Variants in DAB1 observed in about 807,000 individuals in gnomAD.
DAB1 encodes disabled homolog 1.
Under a neutral mutation model 64.6 loss-of-function variants are expected in DAB1, and 15 were observed. The observed-to-expected ratio is 0.23, with a 90% CI of 0.16 to 0.36. The LOEUF is 0.36. Among genes scored for constraint, DAB1 ranks in the 10% least tolerant of loss-of-function variants. The pLI is 1.00. For missense variants in DAB1, 596 were observed against 706.7 expected (o/e 0.84, Z 1.78); for synonymous variants, 235 against 251.9 (o/e 0.93, Z 0.64).
At chr1:58,216,117 G>T (rs561228672) in intron 4 of DAB1, among the ~76,000 whole-genome samples, 1 of 152,110 alleles carries the variant, frequency 6.6e-6, no homozygotes, top group Admixed American at 6.5e-5. Context: ...TGCCATGGTG[G>T]TTTGCTGCAC....
intron 3 of DAB1, among the ~76,000 whole-genome samples, chr1:58,461,345 ACTGT>A (rs1375138802): frequency 2.0e-5 from 3 of 152,174 alleles, no homozygotes; most frequent in Non-Finnish European, 4.4e-5. Flanking sequence ...AGTGAAGACT[ACTGT>A]CTTAGAGTCT....
At chr1:57,352,301 T>C (rs961775260) in intron 1 of DAB1, among the ~76,000 whole-genome samples, 1 of 152,308 alleles carries the variant, frequency 6.6e-6, no homozygotes, top group South Asian at 2.1e-4. Flanking sequence ...TTTCTGATAA[T>C]GATTAAATTG....
intron 1 of DAB1, chr1:57,306,837 T>C (rs376621642): frequency 7.9e-5 from 12 of 152,194 alleles, no homozygotes; most frequent in African/African-American, 2.4e-4. Flanking sequence ...GTATATTTGA[T>C]ATTATGTGAG....
chr1:58,060,850 C>T (rs1441068500), intron 5 of DAB1, among the ~76,000 whole-genome samples: 1 of 152,244 alleles, frequency 6.6e-6, no homozygotes, highest in Non-Finnish European at 1.5e-5. Context: ...GCCATGACAT[C>T]ACATTACAAC....
intron 4 of DAB1, among the ~76,000 whole-genome samples, chr1:58,224,797 C>T (rs868759544): frequency 5.3e-5 from 8 of 149,558 alleles, no homozygotes; most frequent in South Asian, 2.2e-4. Context: ...TTACACCTTA[C>T]ACAAAAATTA....
chr1:57,578,521 C>T (rs193126368), intron 7 of DAB1, among the ~76,000 whole-genome samples: 1 of 152,338 alleles, frequency 6.6e-6, no homozygotes, highest in East Asian at 1.9e-4. Flanking sequence ...AGGGCACACG[C>T]CTGGCCTCTG....
intron 4 of DAB1, among the ~76,000 whole-genome samples, chr1:58,181,082 C>T (rs182467951): frequency 1.6e-4 from 25 of 152,236 alleles, no homozygotes; most frequent in African/African-American, 6.0e-4. Context: ...AGATCTCCAA[C>T]TATTATTACA....
chr1:57,229,092 C>G (rs977698026), intron 2 of DAB1, among the ~76,000 whole-genome samples: 3 of 152,012 alleles, frequency 2.0e-5, no homozygotes, highest in African/African-American at 7.2e-5. Context: ...TAGAAACCCT[C>G]TTAGAAACAT....
intron 2 of DAB1, among the ~76,000 whole-genome samples, chr1:57,231,081 A>G (rs983012111): frequency 1.5e-4 from 23 of 152,194 alleles, no homozygotes; most frequent in African/African-American, 5.1e-4. Context: ...ATATATAGGC[A>G]ACCTTGTTGC....
chr1:57,797,935 G>A (rs986298068), intron 6 of DAB1, among the ~76,000 whole-genome samples: 8 of 152,286 alleles, frequency 5.3e-5, no homozygotes, highest in Admixed American at 2.6e-4. Flanking sequence ...GATAATTACC[G>A]TCATCGTTTA....
chr1:57,253,685 C>A (rs963232014), intron 2 of DAB1, among the ~76,000 whole-genome samples: 2 of 152,136 alleles, frequency 1.3e-5, no homozygotes, highest in African/African-American at 4.8e-5. Flanking sequence ...TTCTATATTT[C>A]TTGGTATGGT....
At chr1:58,519,628 C>T (rs1206973714) in intron 2 of DAB1, among the ~76,000 whole-genome samples, 1 of 152,036 alleles carries the variant, frequency 6.6e-6, no homozygotes, top group Admixed American at 6.6e-5. Flanking sequence ...TATGAAACAT[C>T]CAGCATTCAA....
Position 58,409,491 on chromosome 1 carries a change from G to A in DAB1, n.258-66088C>T, listed in dbSNP as rs115299934. Among the ~76,000 whole-genome samples the A allele has an allele frequency of 5.9e-3, 901 of 152,336 alleles. 7 individuals carry two copies. The highest frequency in any genetic ancestry group is 0.021 in the African/African-American group (865 of 41,578). ...GCATCGCTGTCTGAAAACACAGTGGGCTGTCCCAGGAAGCAGTGAGCTCTC... is the reference window on the plus strand; with the variant it reads ...GCATCGCTGTCTGAAAACACAGTGGACTGTCCCAGGAAGCAGTGAGCTCTC... On this transcript the variant is annotated intron_variant and non_coding_transcript_variant, in intron 3 of 20. Transcript: ENST00000485760.
chr1:57,799,980 G>A (rs1651049343), intron 6 of DAB1, among the ~76,000 whole-genome samples: 1 of 152,180 alleles, frequency 6.6e-6, no homozygotes, highest in Non-Finnish European at 1.5e-5. Flanking sequence ...CTGGACTGGA[G>A]TCATTGAATA....
At chr1:57,296,120 C>T (rs1445003110) in intron 1 of DAB1, among the ~76,000 whole-genome samples, 1 of 152,124 alleles carries the variant, frequency 6.6e-6, no homozygotes, top group East Asian at 1.9e-4. Context: ...TTTCGATGTT[C>T]TATAGAATGG....
chr1:57,192,683 C>T (rs1030193975), intron 2 of DAB1, among the ~76,000 whole-genome samples: 23 of 152,190 alleles, frequency 1.5e-4, no homozygotes, highest in African/African-American at 5.5e-4. Flanking sequence ...GGGTACCTTC[C>T]TATCCTCTTC....
At chr1:58,035,097 G>A (rs953741883) in intron 5 of DAB1, among the ~76,000 whole-genome samples, 2 of 152,188 alleles carry the variant, frequency 1.3e-5, no homozygotes, top group African/African-American at 4.8e-5. Flanking sequence ...TGAAGAGAAA[G>A]CCCATGTGGA....
chr1:57,109,908 A>C (rs979981769), intron 4 of DAB1, among the ~76,000 whole-genome samples: 4 of 152,324 alleles, frequency 2.6e-5, no homozygotes, highest in Non-Finnish European at 5.9e-5. Flanking sequence ...TAAGCCTTTA[A>C]ATCATGGCTA....
At chr1:57,003,624 A>G (rs114553431) in intron 14 of DAB1, among the ~76,000 whole-genome samples, 2,255 of 152,238 alleles carry the variant, frequency 0.015, 68 homozygotes, top group African/African-American at 0.052. Flanking sequence ...TGCAACCATC[A>G]GCATCATTTC....
Sources: allele counts gnomAD v4.1 joint callset (sites outside exome capture counted in the v4.1 genomes callset), GRCh38; gene constraint gnomAD v4.1.1; transcripts MANE v1.5; gene names NCBI Gene and HGNC (gene_info 2026-07-23, HGNC 2026-07-21).